The following FAT3 variants were observed in gnomAD, a reference collection of about 807,000 sequenced individuals.
FAT3 encodes the protein protocadherin Fat 3.
Under a neutral mutation model 310.2 loss-of-function variants are expected in FAT3, and 95 were observed. The ratio of observed to expected loss-of-function variants is 0.31; its 90% CI spans 0.26 to 0.36. The LOEUF (loss-of-function observed/expected upper bound fraction) is 0.36, where lower values mean the gene tolerates loss of function less well. Ranked by LOEUF, FAT3 falls within the 10% of genes least tolerant of loss-of-function variation. The probability of loss-of-function intolerance (pLI) is 1.00; values close to 1 mark genes in which losing one functional copy is unlikely to be tolerated. For synonymous variants in FAT3, 2,314 were observed against 2,192.9 expected (o/e 1.06, Z -1.54); for missense variants, 5,408 against 5,715.6 (o/e 0.95, Z 1.74).
intron 6 of FAT3, among the ~76,000 whole-genome samples, chr11:92,769,337 A>G (rs1946403182): frequency 6.6e-6 from 1 of 152,204 alleles, no homozygotes; most frequent in Non-Finnish European, 1.5e-5. Flanking sequence ...TCTCTGTGTT[A>G]AAAGGGAAAG....
At position 92,844,479 on chromosome 11, in the gene FAT3, G is replaced by A. The variant is rs768044751; in HGVS notation, c.11112G>A (p.Ala3704=). The A allele has an allele frequency of 2.0e-5, 32 of 1,613,772 alleles. No homozygotes were observed. The highest frequency in any genetic ancestry group is 1.6e-4 in the African/African-American group (12 of 74,926). The stretch of plus-strand genomic sequence containing the variant: ...CCAACCAACTGGACATGCTGTTTGC[G>A]GTGGAGATGCACAGCAGCGAGTTCT... ...AGTNQLDMLF[A]VEMHSSEFYK... is the part of the protein sequence containing the mutation. Residue 3704 remains alanine, a synonymous_variant, in exon 19 of 28, where the codon GCG becomes GCA. Transcript: ENST00000525166.
At chr11:92,412,250 G>A (rs941873791) in intron 2 of FAT3, among the ~76,000 whole-genome samples, 40 of 151,290 alleles carry the variant, frequency 2.6e-4, no homozygotes, top group Admixed American at 2.6e-4. Flanking sequence ...TTACAGGTGC[G>A]TGCCACCACA....
chr11:92,566,570 G>T (rs527772531), intron 3 of FAT3, among the ~76,000 whole-genome samples: 43 of 151,348 alleles, frequency 2.8e-4, no homozygotes, highest in African/African-American at 9.0e-4. Context: ...AAAAGAGCCC[G>T]CATTGCCAAG....
At chr11:92,669,394 C>T (rs954709975) in intron 3 of FAT3, among the ~76,000 whole-genome samples, 8 of 152,208 alleles carry the variant, frequency 5.3e-5, no homozygotes, top group Non-Finnish European at 8.8e-5. Flanking sequence ...TCTGCAAGCA[C>T]ATAGGGGAGT....
At chr11:92,848,260 T>C (rs953369266) in intron 19 of FAT3, among the ~76,000 whole-genome samples, 1 of 152,218 alleles carries the variant, frequency 6.6e-6, no homozygotes, top group African/African-American at 2.4e-5. Context: ...TGAATTTTGG[T>C]GCCAAATAAG....
intron 12 of FAT3, among the ~76,000 whole-genome samples, chr11:92,807,950 T>C (rs981559611): frequency 1.3e-5 from 2 of 152,246 alleles, no homozygotes; most frequent in African/African-American, 2.4e-5. Context: ...GTGTTGGTTC[T>C]AGTGAACAAT....
Position 92,859,153 on chromosome 11 carries a change from C to T in FAT3, c.11501-12C>T, listed in dbSNP as rs145548712. The T allele has an allele frequency of 2.3e-4, 365 of 1,610,830 alleles. No homozygotes were observed. In the East Asian group the frequency reaches 5.8e-3, roughly 26 times the overall value. ...TAAAAATATATATGTCTTCTCATAACGGTCTTTTCAGGGCACACTTCTCTC... is the reference window on the plus strand; with the variant it reads ...TAAAAATATATATGTCTTCTCATAATGGTCTTTTCAGGGCACACTTCTCTC... On this transcript the variant is annotated splice_polypyrimidine_tract_variant and intron_variant, in intron 20 of 27. Transcript: ENST00000525166.
intron 3 of FAT3, among the ~76,000 whole-genome samples, chr11:92,670,664 C>T (rs1365432160): frequency 6.6e-6 from 1 of 152,108 alleles, no homozygotes; most frequent in African/African-American, 2.4e-5. Context: ...TTTTCTGTAG[C>T]AGAGTGGAAG....
chr11:92,682,394 A>T (rs1456435056), intron 3 of FAT3, among the ~76,000 whole-genome samples: 2 of 152,194 alleles, frequency 1.3e-5, no homozygotes, highest in African/African-American at 4.8e-5. Flanking sequence ...ATCATAAAGC[A>T]GTTCTGAGTG....
Position 92,798,703 on chromosome 11 carries a change from A to G in FAT3, c.5690A>G (p.Tyr1897Cys), listed in dbSNP as rs1276977810. ...GAGACTATCTTACTTCTACCTACCTATGTTGGAGTGGAGGTTCTGAAAGTT... is the reference window on the plus strand; with the variant it reads ...GAGACTATCTTACTTCTACCTACCTGTGTTGGAGTGGAGGTTCTGAAAGTT... ...VFETILLLPT[Y>C]VGVEVLKVSA... Residue 1897 changes from tyrosine (Y) to cysteine (C), a missense_variant, in exon 10 of 28, where the codon TAT (tyrosine) becomes TGT (cysteine). This residue lies in a region of FAT3 where 4,588 missense variants were observed against 4,809.8 expected (regional missense o/e 0.95). Coordinates refer to ENST00000525166, the MANE Select transcript of FAT3 (RefSeq NM_001367949.2). 2 of 1,613,760 alleles carry G rather than the reference A, an allele frequency of 1.2e-6. No homozygotes were observed. The highest frequency in any genetic ancestry group is 1.7e-6 in the Non-Finnish European group (2 of 1,179,828).
At chr11:92,619,954 A>G (rs1293364371) in intron 3 of FAT3, among the ~76,000 whole-genome samples, 1 of 151,982 alleles carries the variant, frequency 6.6e-6, no homozygotes, top group Non-Finnish European at 1.5e-5. Flanking sequence ...TTATAAATTT[A>G]TAGCTATTAA....
At chr11:92,687,698 G>T (rs1258644573) in intron 3 of FAT3, among the ~76,000 whole-genome samples, 1 of 152,148 alleles carries the variant, frequency 6.6e-6, no homozygotes, top group East Asian at 1.9e-4. Context: ...TTGTGGGGAA[G>T]AGAAAGCATC....
chr11:92,296,821 T>C (rs918150129), intron 1 of FAT3, among the ~76,000 whole-genome samples: 6 of 152,034 alleles, frequency 3.9e-5, no homozygotes, highest in African/African-American at 1.4e-4. Flanking sequence ...GTCCCTTTGC[T>C]CTAGCATTCC....
intron 1 of FAT3, among the ~76,000 whole-genome samples, chr11:92,278,457 G>T (rs1333274206): frequency 6.6e-6 from 1 of 151,932 alleles, no homozygotes; most frequent in Non-Finnish European, 1.5e-5. Context: ...GGGCCTCTTT[G>T]GGTTTCCTAA....
chr11:92,424,825 T>A (rs955028649), intron 2 of FAT3, among the ~76,000 whole-genome samples: 1 of 152,202 alleles, frequency 6.6e-6, no homozygotes, highest in Non-Finnish European at 1.5e-5. Flanking sequence ...TGGAAAACAC[T>A]GAAGACATAT....
In FAT3 at chr11:92,895,421, A is replaced by G. The variant is rs1430239669; in HGVS notation, c.*4308A>G. Reference sequence around the variant, plus strand: ...GCTGGCTAAGAGATAGGAAAAGAATATGATATTTCTTTCCTTATGTAATAA... The same window carrying G: ...GCTGGCTAAGAGATAGGAAAAGAATGTGATATTTCTTTCCTTATGTAATAA... On this transcript the variant is annotated 3_prime_UTR_variant, in exon 28 of 28. Coordinates refer to ENST00000525166, the MANE Select transcript of FAT3 (RefSeq NM_001367949.2). 6.6e-6 allele frequency: 1 copy of G among 152,224 alleles called. No homozygotes were observed. Among genetic ancestry groups the G allele is most frequent in the Non-Finnish European group, 1.5e-5 (1 of 68,046 alleles). The allele number at this position is 152,224 out of a possible 1,614,324, so 9.4% of individuals were successfully genotyped here. A position where few individuals can be genotyped will look rare whatever the true frequency, so the allele number is the denominator to read the frequency against.
intron 3 of FAT3, among the ~76,000 whole-genome samples, chr11:92,664,741 A>G (rs1056634133): frequency 6.6e-6 from 1 of 152,114 alleles, no homozygotes; most frequent in African/African-American, 2.4e-5. Context: ...CATTAAATTA[A>G]CTCCTGATCC....
Position 92,878,659 on chromosome 11 carries a change from A to AAAC in FAT3, c.12128-2070_12128-2069insCAA, listed in dbSNP as rs1555169092. Reference sequence around the variant, plus strand: ...TAAAAAAAAAAAAAAAAAAAAAAAAAAAAAAAAAGCTCCGCACAAAAAAAG... The same window carrying AAAC: ...TAAAAAAAAAAAAAAAAAAAAAAAAAAACAAAAAAAAGCTCCGCACAAAAAAAG... On this transcript the variant is annotated intron_variant, in intron 22 of 27. Coordinates refer to ENST00000525166, the MANE Select transcript of FAT3 (RefSeq NM_001367949.2). 6.5e-5 allele frequency among the ~76,000 whole-genome samples: 6 copies of AAAC among 91,796 alleles called. No homozygotes were observed. The East Asian group carries it at 1.1e-3, about 17-fold the overall frequency. The allele number at this position is 91,796 out of a possible 152,430, so 60.2% of individuals were successfully genotyped here.
intron 2 of FAT3, among the ~76,000 whole-genome samples, chr11:92,433,173 A>G (rs185989291): frequency 6.6e-6 from 1 of 152,164 alleles, no homozygotes; most frequent in South Asian, 2.1e-4. Context: ...TGTTGGCCCC[A>G]TGGGGGTAGG....
Sources: allele counts gnomAD v4.1 joint callset (sites outside exome capture counted in the v4.1 genomes callset), GRCh38; gene constraint gnomAD v4.1.1; regional missense constraint gnomAD v4.1.1; transcripts MANE v1.5; gene names NCBI Gene and HGNC (gene_info 2026-07-23, HGNC 2026-07-21).